CDIN1: variants seen among roughly 807,000 people sequenced by gnomAD.
CDIN1 encodes the protein CDAN1 interacting nuclease 1.
In CDIN1, 33 loss-of-function variants were observed where a neutral mutation model predicts 45.3. That is an observed-to-expected ratio of 0.73 (90% CI 0.55 to 0.97). The LOEUF (loss-of-function observed/expected upper bound fraction) is 0.97. Ranked by LOEUF, CDIN1 falls within the 50% of genes least tolerant of loss-of-function variation. CDIN1 has a pLI of 0.00. For synonymous variants in CDIN1, 118 were observed against 124.4 expected (o/e 0.95, Z 0.34); for missense variants, 303 against 339.4 (o/e 0.89, Z 0.84).
intron 5 of CDIN1, among the ~76,000 whole-genome samples, chr15:36,664,788 C>T (rs1040911121): frequency 7.9e-5 from 12 of 152,166 alleles, no homozygotes; most frequent in Non-Finnish European, 1.5e-4. Flanking sequence ...CCTCGTGATC[C>T]GCCCGCCTTG....
At chr15:36,765,337 C>T (rs1380052092) in intron 10 of CDIN1, among the ~76,000 whole-genome samples, 7 of 151,822 alleles carry the variant, frequency 4.6e-5, no homozygotes, top group South Asian at 2.1e-4. Context: ...ATTACAGGCG[C>T]GAGCCACCAT....
chr15:36,687,038 G>A (rs1215513045), intron 5 of CDIN1, among the ~76,000 whole-genome samples: 1 of 150,948 alleles, frequency 6.6e-6, no homozygotes, highest in Non-Finnish European at 1.5e-5. Context: ...AAGGGAGGGA[G>A]GGAGGGAGGG....
intron 10 of CDIN1, chr15:36,756,088 A>C (rs920765920): frequency 2.2e-6 from 1 of 455,876 alleles, no homozygotes; most frequent in African/African-American, 2.0e-5. Context: ...GTAGATAAAT[A>C]AGTTTGACCC....
At chr15:36,765,057 C>CTTTTTTTTTTTT (rs377685100) in intron 10 of CDIN1, among the ~76,000 whole-genome samples, 1 of 139,644 alleles carries the variant, frequency 7.2e-6, no homozygotes. Flanking sequence ...ATTTTTCTTT[C>CTTTTTTTTTTTT]TTTCTTTTTT....
chr15:36,680,809 T>C (rs1464762244), intron 5 of CDIN1, among the ~76,000 whole-genome samples: 1 of 152,160 alleles, frequency 6.6e-6, no homozygotes, highest in Non-Finnish European at 1.5e-5. Context: ...AAATTAGAAA[T>C]AAGTCAGCAC....
chr15:36,788,771 T>C (rs2054572933), intron 10 of CDIN1, among the ~76,000 whole-genome samples: 1 of 152,180 alleles, frequency 6.6e-6, no homozygotes, highest in Non-Finnish European at 1.5e-5. Flanking sequence ...TTGTAAGGAC[T>C]CATTTGATAA....
intron 1 of CDIN1, among the ~76,000 whole-genome samples, chr15:36,601,458 T>C (rs2038099753): frequency 6.6e-6 from 1 of 152,280 alleles, no homozygotes; most frequent in South Asian, 2.1e-4. Context: ...CATGGATATT[T>C]TTGCAAAACG....
At chr15:36,607,841 GTA>G (rs1274118091) in intron 1 of CDIN1, among the ~76,000 whole-genome samples, 1 of 152,038 alleles carries the variant, frequency 6.6e-6, no homozygotes, top group African/African-American at 2.4e-5. Flanking sequence ...AAGAAACCCA[GTA>G]CCCATCAGGC....
intron 5 of CDIN1, among the ~76,000 whole-genome samples, chr15:36,666,057 T>A (rs1393246049): frequency 6.6e-6 from 1 of 152,206 alleles, no homozygotes; most frequent in African/African-American, 2.4e-5. Flanking sequence ...ACTTTTTGTT[T>A]ATCTTAAGGG....
At chr15:36,587,116 T>C (rs757349963) in intron 1 of CDIN1, among the ~76,000 whole-genome samples, 3 of 152,208 alleles carry the variant, frequency 2.0e-5, no homozygotes, top group Non-Finnish European at 2.9e-5. Flanking sequence ...CAAATAGATA[T>C]CTGTATCATT....
chr15:36,720,961 C>T (rs923441725), intron 10 of CDIN1, among the ~76,000 whole-genome samples: 1 of 152,052 alleles, frequency 6.6e-6, no homozygotes, highest in Non-Finnish European at 1.5e-5. Context: ...CTTTTTAATG[C>T]TTGCCATTCT....
chr15:36,737,179 AAAC>A (rs1199459387), intron 10 of CDIN1, among the ~76,000 whole-genome samples: 6 of 151,294 alleles, frequency 4.0e-5, no homozygotes, highest in Admixed American at 6.6e-5. Context: ...AAAAAAAAAA[AAAC>A]AAAAATTGCT....
intron 1 of CDIN1, among the ~76,000 whole-genome samples, chr15:36,616,292 T>C (rs1327750032): frequency 6.6e-6 from 1 of 151,934 alleles, no homozygotes; most frequent in Admixed American, 6.6e-5. Context: ...CTTTCATTTT[T>C]TTTTTTTGAG....
chr15:36,731,643 TA>T (rs1300434135), intron 10 of CDIN1, among the ~76,000 whole-genome samples: 2 of 152,130 alleles, frequency 1.3e-5, no homozygotes, highest in Non-Finnish European at 2.9e-5. Flanking sequence ...ATATCTCTCT[TA>T]AAAAGTGCAC....
At chr15:36,637,113 A>C (rs2039930061) in intron 1 of CDIN1, among the ~76,000 whole-genome samples, 1 of 151,582 alleles carries the variant, frequency 6.6e-6, no homozygotes, top group African/African-American at 2.4e-5. Flanking sequence ...TCAGTGGAAC[A>C]GATTAGAAAG....
At chr15:36,654,233 AT>A in intron 4 of CDIN1, 75 bp downstream of exon 4, 1 of 1,236,508 alleles carries the variant, frequency 8.1e-7, no homozygotes, top group Non-Finnish European at 1.1e-6. Flanking sequence ...TTTGCTTACA[AT>A]TATAACTACC....
At chr15:36,645,139 C>A in intron 2 of CDIN1, 84 bp from the exon 3 acceptor site, 2 of 1,122,868 alleles carry the variant, frequency 1.8e-6, no homozygotes, top group South Asian at 1.4e-5. Context: ...AGTCACTGGG[C>A]TCAAGAAATA....
chr15:36,671,154 A>T (rs1364949618), intron 5 of CDIN1, among the ~76,000 whole-genome samples: 2 of 152,166 alleles, frequency 1.3e-5, no homozygotes, highest in African/African-American at 4.8e-5. Flanking sequence ...GTATTTAGCA[A>T]CAGATTGTCT....
chr15:36,794,369 C>A (rs1363298955), intron 10 of CDIN1, among the ~76,000 whole-genome samples: 1 of 152,124 alleles, frequency 6.6e-6, no homozygotes. Context: ...AGTGTACAGT[C>A]TTAAGCATGT....
Sources: gnomAD v4.1 joint callset for allele counts (sites outside exome capture counted in the v4.1 genomes callset) on GRCh38, gnomAD v4.1.1 for gene constraint, MANE v1.5 for transcripts, NCBI Gene and HGNC (gene_info 2026-07-23, HGNC 2026-07-21) for gene names.